The following RALGPS1 variants were observed in gnomAD, a reference collection of about 807,000 sequenced individuals.
RALGPS1 encodes the protein ras-specific guanine nucleotide-releasing factor RalGPS1.
RALGPS1 carries 19 observed loss-of-function variants against 78.8 expected under a neutral mutation model. That is an observed-to-expected ratio of 0.24 (90% CI 0.17 to 0.35). The LOEUF is 0.35. Ranked by LOEUF, RALGPS1 falls within the 10% of genes least tolerant of loss-of-function variation. The pLI is 1.00. For missense variants in RALGPS1, 454 were observed against 688.3 expected, an observed-to-expected ratio of 0.66 and a Z score of 3.81; for synonymous variants, 228 against 256.3, an observed-to-expected ratio of 0.89 and a Z score of 1.06.
At chr9:127,015,051 C>T (rs2133990274) in intron 4 of RALGPS1, among the ~76,000 whole-genome samples, 1 of 152,308 alleles carries the variant, frequency 6.6e-6, no homozygotes, top group South Asian at 2.1e-4. Context: ...ATGTAGGAAA[C>T]ATGCAGTAAC....
rs1043969 is a variant in RALGPS1, at chr9:127,088,701, C to T, written c.610+19345C>T. On this transcript the variant is annotated intron_variant, in intron 8 of 18. Coordinates refer to ENST00000259351, the MANE Select transcript of RALGPS1 (RefSeq NM_014636.3). The stretch of plus-strand genomic sequence containing the variant: ...ATTTAAAGAAAGAGTTGTCTGTAGT[C>T]CTGTCCTGTCCTGGAGACATGAGGG... The T allele has an allele frequency of 1.5e-3, 883 of 571,690 alleles. 2 individuals are homozygous for T. The highest frequency in any genetic ancestry group is 8.0e-3 in the Middle Eastern group (17 of 2,124). The allele number at this position is 571,690 out of a possible 1,614,324, so 35.4% of individuals were successfully genotyped here.
chr9:127,087,253 CGAATCTCTTCCTGGTTTTACTTAAA>C (rs1423469192), intron 8 of RALGPS1: 3 of 152,302 alleles, frequency 2.0e-5, no homozygotes, highest in Admixed American at 1.3e-4. Context: ...GTCCTGGTGC[CGAATCTCTTCCTGGTTTTACTTAAA>C]GAGGCTCTGA....
intron 4 of RALGPS1, among the ~76,000 whole-genome samples, chr9:126,987,961 A>G (rs1010979351): frequency 1.3e-5 from 2 of 152,196 alleles, no homozygotes; most frequent in African/African-American, 2.4e-5. Context: ...GGATGTTTGA[A>G]TAAGGAAGCC....
At chr9:127,152,496 A>C (rs2058476599) in intron 8 of RALGPS1, among the ~76,000 whole-genome samples, 1 of 152,138 alleles carries the variant, frequency 6.6e-6, no homozygotes, top group Non-Finnish European at 1.5e-5. Context: ...ATCAGCTCCT[A>C]CTGGGCAGTG....
chr9:127,160,047 A>C lies in RALGPS1; in HGVS notation c.611-6022A>C, dbSNP rs529137846. Among the ~76,000 whole-genome samples, 9 of 152,324 alleles carry C rather than the reference A, an allele frequency of 5.9e-5. No individual in the cohort carries two copies. In the East Asian group the frequency reaches 1.7e-3, roughly 29 times the overall value. On this transcript the variant is annotated intron_variant, in intron 8 of 18. Transcript: ENST00000259351. ...TATTAAAAAGATAGCTGTATGAGAA[A>C]AACCAAAACCAGACTTGGGTTGGAA...
chr9:127,181,645 T>C (rs1216130102), intron 11 of RALGPS1, among the ~76,000 whole-genome samples: 1 of 152,172 alleles, frequency 6.6e-6, no homozygotes, highest in Non-Finnish European at 1.5e-5. Context: ...TAACATTAAC[T>C]CTAATCTCCT....
At chr9:127,080,673 A>G (rs2051090882) in intron 8 of RALGPS1, among the ~76,000 whole-genome samples, 1 of 152,232 alleles carries the variant, frequency 6.6e-6, no homozygotes, top group African/African-American at 2.4e-5. Flanking sequence ...TATCGCCTGG[A>G]TGAGTGCTGA....
intron 5 of RALGPS1, among the ~76,000 whole-genome samples, chr9:127,048,615 T>C (rs1391196213): frequency 1.3e-5 from 2 of 152,242 alleles, no homozygotes; most frequent in African/African-American, 4.8e-5. Flanking sequence ...AATGCTTCCA[T>C]GTTCCGTAAT....
chr9:127,196,660 G>T (rs1353850456), intron 13 of RALGPS1, 29 bp downstream of exon 13: 4 of 1,553,546 alleles, frequency 2.6e-6, no homozygotes, highest in Non-Finnish European at 3.5e-6. Flanking sequence ...CACATGATAG[G>T]CTGGTGGGCT....
chr9:127,152,597 G>C (rs1330497933), intron 8 of RALGPS1, among the ~76,000 whole-genome samples: 1 of 152,120 alleles, frequency 6.6e-6, no homozygotes, highest in Non-Finnish European at 1.5e-5. Context: ...GAATTATTTT[G>C]GTTTCAAGAG....
At chr9:127,034,355 T>C (rs1298766754) in intron 4 of RALGPS1, 76 bp from the exon 5 acceptor site, 140 of 1,292,154 alleles carry the variant, frequency 1.1e-4, no homozygotes, top group Non-Finnish European at 1.6e-4. Flanking sequence ...TGCATGCTCA[T>C]GTTCCCATTT....
At chr9:127,097,385 T>G (rs2053252097) in intron 8 of RALGPS1, among the ~76,000 whole-genome samples, 1 of 152,276 alleles carries the variant, frequency 6.6e-6, no homozygotes, top group Non-Finnish European at 1.5e-5. Context: ...TGTGCATATG[T>G]GTCTGTACAC....
At chr9:127,213,326 G>A (rs2779710) in intron 17 of RALGPS1, among the ~76,000 whole-genome samples, 62,788 of 152,030 alleles carry the variant, frequency 0.41, 14,136 homozygotes, top group Admixed American at 0.57. Context: ...GTAGTCTTAC[G>A]GTCTTGGAAT....
chr9:127,156,826 T>C (rs1043417032), intron 8 of RALGPS1, among the ~76,000 whole-genome samples: 11 of 152,104 alleles, frequency 7.2e-5, no homozygotes, highest in Non-Finnish European at 7.4e-5. Context: ...TATAAAATTA[T>C]TCTTCTGTAT....
intron 3 of RALGPS1, among the ~76,000 whole-genome samples, chr9:126,975,323 A>C (rs1564344142): frequency 6.6e-6 from 1 of 152,200 alleles, no homozygotes; most frequent in Admixed American, 6.5e-5. Flanking sequence ...TGGACCATCC[A>C]AAAAGTGTGA....
intron 11 of RALGPS1, chr9:127,178,342 C>A: frequency 1.7e-6 from 1 of 592,868 alleles, no homozygotes; most frequent in Non-Finnish European, 2.4e-6. Flanking sequence ...AAAAATGCAG[C>A]TGAATTGTGT....
At position 127,214,960 on chromosome 9, in the gene RALGPS1, A is replaced by T. The variant is rs181562547; in HGVS notation, c.1644+118A>T. The T allele has an allele frequency of 7.9e-5, 119 of 1,511,988 alleles. No individual in the cohort carries two copies. In the East Asian group the frequency reaches 2.4e-3, roughly 30 times the overall value. The allele number at this position is 1,511,988 out of a possible 1,614,324, so 93.7% of individuals were successfully genotyped here. On this transcript the variant is annotated intron_variant, in intron 18 of 18. Coordinates refer to ENST00000259351, the MANE Select transcript of RALGPS1 (RefSeq NM_014636.3). ...CAGAGCCCATTAGCCACACTCTCAG[A>T]TACCCTCTTCTGATCAGCATCTTCC...
chr9:127,128,080 T>C (rs906040720), intron 8 of RALGPS1, among the ~76,000 whole-genome samples: 1 of 143,628 alleles, frequency 7.0e-6, no homozygotes, highest in African/African-American at 2.5e-5. Context: ...CTCCCACTTA[T>C]GAATGAGAAC....
intron 8 of RALGPS1, among the ~76,000 whole-genome samples, chr9:127,089,738 T>C (rs538018380): frequency 6.6e-6 from 1 of 152,364 alleles, no homozygotes; most frequent in South Asian, 2.1e-4. Context: ...CTTGGCATTA[T>C]CACATCATGC....
Sources: allele counts gnomAD v4.1 joint callset (sites outside exome capture counted in the v4.1 genomes callset), GRCh38; gene constraint gnomAD v4.1.1; transcripts MANE v1.5; gene names NCBI Gene and HGNC (gene_info 2026-07-23, HGNC 2026-07-21).